The following RIF1 variants were observed in gnomAD, a reference collection of about 807,000 sequenced individuals.
RIF1 encodes the protein replication timing regulatory factor 1, also known as telomere-associated protein RIF1.
In RIF1, 45 loss-of-function variants were observed where a neutral mutation model predicts 247.1. The ratio of observed to expected loss-of-function variants is 0.18; its 90% CI spans 0.14 to 0.23. The LOEUF (loss-of-function observed/expected upper bound fraction) is 0.23. Among genes scored for constraint, RIF1 ranks in the 10% least tolerant of loss-of-function variants. The pLI is 1.00. For synonymous variants in RIF1, 1,087 were observed against 978.8 expected, an observed-to-expected ratio of 1.11 and a Z score of -2.06; for missense variants, 2,967 against 2,862.5, an observed-to-expected ratio of 1.04 and a Z score of -0.83.
intron 10 of RIF1, among the ~76,000 whole-genome samples, chr2:151,495,619 G>A (rs946990707): frequency 6.6e-6 from 1 of 151,996 alleles, no homozygotes; most frequent in Admixed American, 6.6e-5. Flanking sequence ...AAGCTTACGG[G>A]AAATGGTTTA....
chr2:151,527,525 G>A, the RIF1 span: 2 of 1,613,504 alleles, frequency 1.2e-6, no homozygotes, highest in Non-Finnish European at 1.7e-6. Flanking sequence ...AGGAAGTCCG[G>A]TCGGTCAGGA....
chr2:151,438,230 C>T (rs1324383801), intron 13 of RIF1, among the ~76,000 whole-genome samples: 4 of 152,052 alleles, frequency 2.6e-5, no homozygotes, highest in Non-Finnish European at 4.4e-5. Context: ...GTAATCCTGG[C>T]AGTTTGGGAG....
chr2:151,517,842 C>T, the RIF1 span, among the ~76,000 whole-genome samples: 1,033 of 152,362 alleles, frequency 6.8e-3, 24 homozygotes, highest in Admixed American at 0.038. Context: ...TATGGGACCA[C>T]TGTCATACAG....
downstream of RIF1, chr2:151,486,383 C>T (rs536689277): frequency 6.3e-6 from 1 of 159,000 alleles, no homozygotes; most frequent in Admixed American, 6.2e-5. Context: ...GAAATTGGGT[C>T]CTTCATAAAC....
chr2:151,416,411 A>G (rs1687233436), intron 4 of RIF1, 150 bp from the exon 5 acceptor site: 6 of 651,990 alleles, frequency 9.2e-6, no homozygotes, highest in South Asian at 8.9e-5. Flanking sequence ...TTTTGGGAGA[A>G]GTTTGGTATC....
intron 33 of RIF1, among the ~76,000 whole-genome samples, chr2:151,469,492 C>T (rs1191418400): frequency 1.3e-5 from 2 of 152,180 alleles, no homozygotes; most frequent in African/African-American, 2.4e-5. Context: ...GCACAAGGCA[C>T]GCAGTGGGCT....
At chr2:151,521,963 G>C in the RIF1 span, among the ~76,000 whole-genome samples, 4 of 152,284 alleles carry the variant, frequency 2.6e-5, no homozygotes, top group East Asian at 5.8e-4. Context: ...TTTGACTAGG[G>C]AGTAATGTAG....
the RIF1 span, chr2:151,513,788 C>G: frequency 3.6e-6 from 3 of 841,558 alleles, no homozygotes; most frequent in East Asian, 8.0e-5. Context: ...AACACGCCAC[C>G]CCAGTTGTCA....
At chr2:151,493,878 CAA>C (rs767428875) in intron 9 of RIF1, 1 of 1,499,294 alleles carries the variant, frequency 6.7e-7, no homozygotes, top group Non-Finnish European at 9.0e-7. Flanking sequence ...CTGTGAGATA[CAA>C]AGTCATGCCC....
chr2:151,529,661 C>A, the RIF1 span, among the ~76,000 whole-genome samples: 1 of 151,894 alleles, frequency 6.6e-6, no homozygotes, highest in South Asian at 2.1e-4. Flanking sequence ...CTCCTGAGTA[C>A]CTGGGACCAC....
intron 10 of RIF1, among the ~76,000 whole-genome samples, chr2:151,434,422 A>G (rs1248879108): frequency 1.4e-5 from 2 of 143,658 alleles, no homozygotes; most frequent in Non-Finnish European, 3.0e-5. Flanking sequence ...AGTTATTTCC[A>G]TCCTTGGTTT....
rs190175862 is a variant in RIF1, at chr2:151,458,440, G to A, written c.2856-371G>A. ...GTAGAGACAAGGTTTCACTGTGTTA[G>A]CCAGGATCGTCTCAATCTCCTGACC... On this transcript the variant is annotated intron_variant, in intron 24 of 35. Transcript: ENST00000444746. Among the ~76,000 whole-genome samples, 189 of 151,916 alleles carry A rather than the reference G, an allele frequency of 1.2e-3. 1 individual carries two copies. The highest frequency in any genetic ancestry group is 4.5e-3 in the African/African-American group (185 of 41,444).
chr2:151,418,406 C>T (rs750789619), intron 6 of RIF1, among the ~76,000 whole-genome samples: 8 of 152,150 alleles, frequency 5.3e-5, no homozygotes, highest in African/African-American at 7.2e-5. Context: ...GGTTTTGCCA[C>T]GTTGGCCAGT....
At position 151,494,212 on chromosome 2, in the gene RIF1, A is replaced by G. The variant is rs780085645; in HGVS notation, c.*416-1017A>G. 5 of 1,607,720 alleles carry G rather than the reference A, an allele frequency of 3.1e-6. No individual in the cohort carries two copies. Among genetic ancestry groups the G allele is most frequent in the Admixed American group, 3.4e-5 (2 of 59,406 alleles). ...TGACTCTCTGCATCTCAGGAGTGAC[A>G]GGGGTTGCGGTGGCTTTCCCCACAT... is the stretch of plus-strand genomic sequence containing the variant. On this transcript the variant is annotated intron_variant and NMD_transcript_variant, in intron 9 of 13. Transcript: ENST00000454583.
chr2:151,453,072 T>C (rs1165324990), intron 21 of RIF1, among the ~76,000 whole-genome samples: 1 of 152,228 alleles, frequency 6.6e-6, no homozygotes, highest in African/African-American at 2.4e-5. Flanking sequence ...ATTTCAAATT[T>C]AGAGAAATAC....
chr2:151,424,666 G>A (rs1688696595), intron 8 of RIF1, among the ~76,000 whole-genome samples: 1 of 151,386 alleles, frequency 6.6e-6, no homozygotes, highest in Admixed American at 6.6e-5. Flanking sequence ...TTTTGAGAAA[G>A]CTCCAAACTC....
At chr2:151,497,805 C>T (rs2061306467) in intron 10 of RIF1, 35 of 1,537,388 alleles carry the variant, frequency 2.3e-5, no homozygotes, top group Non-Finnish European at 3.0e-5. Flanking sequence ...AAAACACAGT[C>T]ATCCAAGGAG....
chr2:151,488,157 A>G (rs1026816694), intron 9 of RIF1, among the ~76,000 whole-genome samples: 3 of 152,142 alleles, frequency 2.0e-5, no homozygotes, highest in Non-Finnish European at 4.4e-5. Context: ...GGAATAATTT[A>G]TCAGTGAATT....
downstream of RIF1, among the ~76,000 whole-genome samples, chr2:151,487,124 T>C (rs904762457): frequency 2.6e-5 from 4 of 152,174 alleles, 1 homozygote; most frequent in African/African-American, 2.4e-5. Flanking sequence ...TATGGCCTTT[T>C]TCTACCTTTC....
Sources: allele counts gnomAD v4.1 joint callset (sites outside exome capture counted in the v4.1 genomes callset), GRCh38; gene constraint gnomAD v4.1.1; transcripts MANE v1.5; gene names NCBI Gene and HGNC (gene_info 2026-07-23, HGNC 2026-07-21).